The following CAMKMT variants were observed in gnomAD, a reference collection of about 807,000 sequenced individuals.
The protein encoded by CAMKMT is calmodulin-lysine N-methyltransferase, also known as CaM KMT.
Under a neutral mutation model 48.0 loss-of-function variants are expected in CAMKMT, and 53 were observed. The ratio of observed to expected loss-of-function variants is 1.10; its 90% confidence interval spans 0.89 to 1.39. The LOEUF is 1.39. Among genes scored for constraint, CAMKMT ranks in the 40% most tolerant of loss-of-function variants. CAMKMT has a pLI of 0.00. For synonymous variants in CAMKMT, 165 were observed against 152.3 expected (o/e 1.08, Z -0.61); for missense variants, 428 against 402.7 (o/e 1.06, Z -0.54).
At chr2:44,432,307 C>G (rs943848240) in intron 3 of CAMKMT, among the ~76,000 whole-genome samples, 12 of 152,088 alleles carry the variant, frequency 7.9e-5, no homozygotes, top group Non-Finnish European at 7.4e-5. Context: ...TTGCCCATCC[C>G]CTGACTCTCC....
chr2:44,396,299 C>T (rs2104431339), intron 3 of CAMKMT, among the ~76,000 whole-genome samples: 1 of 151,638 alleles, frequency 6.6e-6, no homozygotes, highest in East Asian at 1.9e-4. Flanking sequence ...AAAAGCGCAT[C>T]AAAAAAATTG....
At chr2:44,475,102 A>G (rs1668619218) in intron 3 of CAMKMT, among the ~76,000 whole-genome samples, 2 of 152,218 alleles carry the variant, frequency 1.3e-5, no homozygotes, top group Non-Finnish European at 2.9e-5. Context: ...CATGTGGCTT[A>G]GTTTAATATC....
chr2:44,669,182 A>G (rs189385996), intron 3 of CAMKMT, among the ~76,000 whole-genome samples: 5 of 152,328 alleles, frequency 3.3e-5, no homozygotes, highest in Admixed American at 3.3e-4. Flanking sequence ...GGACTTATGT[A>G]TATGGAATCT....
intron 3 of CAMKMT, among the ~76,000 whole-genome samples, chr2:44,541,714 T>A (rs1378340239): frequency 6.8e-6 from 1 of 147,050 alleles, no homozygotes; most frequent in Non-Finnish European, 1.5e-5. Context: ...GAGGCTGCAG[T>A]GAGCCATGAG....
chr2:44,434,184 A>G (rs1684812849), intron 3 of CAMKMT, among the ~76,000 whole-genome samples: 1 of 152,014 alleles, frequency 6.6e-6, no homozygotes, highest in African/African-American at 2.4e-5. Context: ...GAATGAAAAG[A>G]AACCAAGTAT....
intron 3 of CAMKMT, among the ~76,000 whole-genome samples, chr2:44,409,088 T>G: frequency 1.2e-3 from 1 of 834 alleles, no homozygotes; most frequent in Admixed American, 0.013. Context: ...CCGATATATA[T>G]ATATATATAT....
intron 3 of CAMKMT, among the ~76,000 whole-genome samples, chr2:44,411,655 CT>C (rs1226201935): frequency 1.3e-5 from 2 of 151,962 alleles, no homozygotes; most frequent in Non-Finnish European, 2.9e-5. Flanking sequence ...CAAATAAATA[CT>C]GCCTTGGACA....
intron 3 of CAMKMT, among the ~76,000 whole-genome samples, chr2:44,617,135 A>G: frequency 6.6e-6 from 1 of 152,188 alleles, no homozygotes; most frequent in East Asian, 1.9e-4. Flanking sequence ...AGAGACTGAT[A>G]TACATACATT....
chr2:44,483,539 C>G (rs897767104), intron 3 of CAMKMT, among the ~76,000 whole-genome samples: 1 of 152,054 alleles, frequency 6.6e-6, no homozygotes, highest in Non-Finnish European at 1.5e-5. Context: ...AACTGGTATC[C>G]TAAATCCTTG....
intron 3 of CAMKMT, among the ~76,000 whole-genome samples, chr2:44,423,266 A>G (rs533420618): frequency 5.3e-5 from 8 of 151,756 alleles, no homozygotes; most frequent in South Asian, 4.2e-4. Context: ...TGCAACCTCT[A>G]CCTCCTGGGT....
intron 3 of CAMKMT, among the ~76,000 whole-genome samples, chr2:44,467,299 A>C (rs1471174118): frequency 1.3e-5 from 2 of 152,178 alleles, no homozygotes; most frequent in Non-Finnish European, 2.9e-5. Flanking sequence ...TGGGAGGCCA[A>C]GGCAGGCAGA....
chr2:44,671,414 A>G (rs1278410450), intron 3 of CAMKMT, among the ~76,000 whole-genome samples: 1 of 152,220 alleles, frequency 6.6e-6, no homozygotes, highest in Non-Finnish European at 1.5e-5. Context: ...AAATTACAAT[A>G]TTTAAGCCTT....
chr2:44,663,334 C>T (rs1674778888), intron 3 of CAMKMT, among the ~76,000 whole-genome samples: 1 of 152,170 alleles, frequency 6.6e-6, no homozygotes, highest in Non-Finnish European at 1.5e-5. Context: ...TGGATAGTAG[C>T]TGTGTGGATT....
chr2:44,631,829 C>G (rs1672851326), intron 3 of CAMKMT: 1 of 267,284 alleles, frequency 3.7e-6, no homozygotes, highest in East Asian at 6.3e-5. Flanking sequence ...TTTCAGTTTT[C>G]TCTACTCTTG....
At chr2:44,526,971 T>G (rs1174824538) in intron 3 of CAMKMT, among the ~76,000 whole-genome samples, 9 of 151,918 alleles carry the variant, frequency 5.9e-5, no homozygotes, top group Admixed American at 5.9e-4. Context: ...CAACCAGTTT[T>G]AAAACAATTT....
chr2:44,532,751 G>C (rs1472269487), intron 3 of CAMKMT, among the ~76,000 whole-genome samples: 1 of 152,086 alleles, frequency 6.6e-6, no homozygotes, highest in Admixed American at 6.5e-5. Flanking sequence ...AAAAATTTAT[G>C]AGGACTTCAT....
At chr2:44,629,015 A>T (rs911567096) in intron 3 of CAMKMT, among the ~76,000 whole-genome samples, 6 of 152,180 alleles carry the variant, frequency 3.9e-5, no homozygotes, top group African/African-American at 1.4e-4. Context: ...TGTTTTGTAA[A>T]TATCAGTTAA....
intron 3 of CAMKMT, among the ~76,000 whole-genome samples, chr2:44,668,377 A>G (rs1254888261): frequency 6.6e-6 from 1 of 152,040 alleles, no homozygotes; most frequent in African/African-American, 2.4e-5. Context: ...CAGCTTAAGT[A>G]TTTTGCTCCT....
chr2:44,471,569 T>C (rs1165784477), intron 3 of CAMKMT, among the ~76,000 whole-genome samples: 1 of 151,950 alleles, frequency 6.6e-6, no homozygotes, highest in Admixed American at 6.6e-5. Flanking sequence ...CAATACACTC[T>C]AGCCTGAGTA....
Sources: allele counts gnomAD v4.1 joint callset (sites outside exome capture counted in the v4.1 genomes callset), GRCh38; gene constraint gnomAD v4.1.1; transcripts MANE v1.5; gene names NCBI Gene and HGNC (gene_info 2026-07-23, HGNC 2026-07-21).